LIMA1: variants seen among roughly 807,000 people sequenced by gnomAD.
The protein encoded by LIMA1 is LIM domain and actin binding 1.
LIMA1 carries 52 observed loss-of-function variants against 62.6 expected under a neutral mutation model. The observed-to-expected ratio is 0.83, with a 90% CI of 0.67 to 1.05. The LOEUF (loss-of-function observed/expected upper bound fraction) is 1.05, where lower values mean the gene tolerates loss of function less well. Ranked by LOEUF, LIMA1 falls within the 50% of genes least tolerant of loss-of-function variation. The pLI is 0.00. For missense variants in LIMA1, 780 were observed against 902.2 expected, an observed-to-expected ratio of 0.86 and a Z score of 1.74; for synonymous variants, 302 against 317.8, an observed-to-expected ratio of 0.95 and a Z score of 0.53.
chr12:50,201,541 A>AT (rs1166388285), intron 6 of LIMA1: 43 of 983,896 alleles, frequency 4.4e-5, no homozygotes, highest in East Asian at 3.4e-4. Context: ...GGATAATTGC[A>AT]TTTTTTTCCT....
chr12:50,235,337 G>T (rs1046864148), intron 2 of LIMA1, among the ~76,000 whole-genome samples: 1 of 144,816 alleles, frequency 6.9e-6, no homozygotes, highest in Admixed American at 7.1e-5. Context: ...GGAGTATAGT[G>T]GTGTAATCTC....
At chr12:50,255,502 G>A (rs746042243) in intron 1 of LIMA1, among the ~76,000 whole-genome samples, 4 of 146,120 alleles carry the variant, frequency 2.7e-5, no homozygotes, top group Non-Finnish European at 5.9e-5. Context: ...GCAGTGAGCC[G>A]TGATCACACC....
chr12:50,177,398 C>T lies in LIMA1; in HGVS notation c.1946G>A (p.Gly649Glu), dbSNP rs1420458016. 1 of 1,614,128 alleles carries T rather than the reference C, an allele frequency of 6.2e-7. No homozygotes were observed. Among genetic ancestry groups the T allele is most frequent in the Non-Finnish European group, 8.5e-7 (1 of 1,180,028 alleles). ...TTCTTTGTTTTGCCAGGTTGTTTTT[C>T]CCACATTCCCATTCTTCTTAGAAGC... ...AKASKKNGNV[G>E]KTTWQNKESK... The change falls in exon 11 of 11, where the codon GGA becomes GAA. Residue 649 changes from glycine (G) to glutamate (E), a missense_variant. Physicochemically the swap from Gly to Glu is moderately conservative, Grantham distance 98. Transcript: ENST00000341247.
chr12:50,176,990 G>A lies in LIMA1; in HGVS notation c.*74C>T. ...TTCATGCTGGGATACCTGCTTATGT[G>A]CATCACATTTTGACAAAGGGCAGTG... On this transcript the variant is annotated 3_prime_UTR_variant, in exon 11 of 11. Transcript: ENST00000341247. 2 of 1,159,178 alleles carry A rather than the reference G, an allele frequency of 1.7e-6. No homozygotes were observed. The highest frequency in any genetic ancestry group is 1.2e-6 in the Non-Finnish European group (1 of 843,906). 71.8% of individuals were successfully genotyped at this position (1,159,178 alleles called of 1,614,324 possible). A position where few individuals can be genotyped will look rare whatever the true frequency, so the allele number is the denominator to read the frequency against.
intron 4 of LIMA1, among the ~76,000 whole-genome samples, chr12:50,220,315 C>T (rs1336343591): frequency 6.6e-6 from 1 of 152,176 alleles, no homozygotes; most frequent in Non-Finnish European, 1.5e-5. Flanking sequence ...CAACCTCTGC[C>T]TCCCAAAATG....
intron 4 of LIMA1, among the ~76,000 whole-genome samples, chr12:50,212,136 A>G (rs1459826981): frequency 1.3e-5 from 2 of 152,246 alleles, no homozygotes; most frequent in African/African-American, 4.8e-5. Flanking sequence ...TGTATTTTTT[A>G]AAACAGAAAT....
chr12:50,196,732 G>A (rs1298465233), intron 7 of LIMA1, among the ~76,000 whole-genome samples: 2 of 152,130 alleles, frequency 1.3e-5, no homozygotes, highest in Non-Finnish European at 2.9e-5. Context: ...CTGACAAACT[G>A]AATAGATTTA....
intron 1 of LIMA1, 24 bp from the exon 2 acceptor site, chr12:50,248,798 C>A: frequency 8.7e-7 from 1 of 1,148,564 alleles, no homozygotes; most frequent in Non-Finnish European, 1.3e-6. Flanking sequence ...AAAGTCAGAA[C>A]ATTAGACACA....
intron 10 of LIMA1, among the ~76,000 whole-genome samples, chr12:50,178,411 G>A (rs942902797): frequency 2.0e-5 from 3 of 151,992 alleles, no homozygotes; most frequent in Non-Finnish European, 4.4e-5. Flanking sequence ...GCTGGGTGTG[G>A]TGGCACATGC....
At chr12:50,196,845 C>T (rs1249870401) in intron 7 of LIMA1, among the ~76,000 whole-genome samples, 5 of 152,178 alleles carry the variant, frequency 3.3e-5, no homozygotes, top group African/African-American at 1.2e-4. Flanking sequence ...ATAAAATAAA[C>T]CGGTACAATC....
In LIMA1 at chr12:50,190,804, T is replaced by TAA. The variant is rs1229932042; in HGVS notation, c.1140+1646_1140+1647dup. On this transcript the variant is annotated intron_variant, in intron 9 of 10. Transcript: ENST00000341247. ...TGACATTGTTGTAAACAACAGGTCC[T>TAA]AAAAAAAAAAAAAAGTGGGAACAAC... Among the ~76,000 whole-genome samples the TAA allele has an allele frequency of 4.2e-5, 5 of 119,690 alleles. No homozygotes were observed. In the South Asian group the frequency reaches 8.5e-4, roughly 20 times the overall value. The allele number at this position is 119,690 out of a possible 152,430, so 78.5% of individuals were successfully genotyped here.
intron 1 of LIMA1, among the ~76,000 whole-genome samples, chr12:50,274,142 A>G (rs1227448317): frequency 2.0e-5 from 3 of 152,184 alleles, no homozygotes; most frequent in African/African-American, 7.2e-5. Context: ...TCCAGTTAAA[A>G]AAAATACAAC....
chr12:50,203,730 T>C (rs1247915180), intron 6 of LIMA1, among the ~76,000 whole-genome samples: 1 of 152,156 alleles, frequency 6.6e-6, no homozygotes, highest in Non-Finnish European at 1.5e-5. Flanking sequence ...AAAATTTTCA[T>C]GCTTACTGAG....
rs539681207 is a variant in LIMA1 at position 50,204,365 on chromosome 12, G to A, written c.864+187C>T. 2.2e-4 allele frequency: 124 copies of A among 573,656 alleles called. 2 individuals are homozygous for A. The African/African-American group carries it at 2.2e-3, about 10-fold the overall frequency. 35.5% of individuals were successfully genotyped at this position (573,656 alleles called of 1,614,324 possible). On this transcript the variant is annotated intron_variant, in intron 6 of 10. Coordinates refer to ENST00000341247, the MANE Select transcript of LIMA1 (RefSeq NM_016357.5). ...TGGGGTGGGAACCAGGACTAAGAAA[G>A]CAAAGTCAGGATTAGACCATGGTAA...
intron 4 of LIMA1, among the ~76,000 whole-genome samples, chr12:50,220,757 G>A (rs1052894003): frequency 2.0e-5 from 3 of 152,092 alleles, no homozygotes; most frequent in Non-Finnish European, 4.4e-5. Context: ...AACCATAAAG[G>A]GGAAAGAAGG....
intron 1 of LIMA1, among the ~76,000 whole-genome samples, chr12:50,251,696 T>A (rs1245413210): frequency 1.3e-5 from 2 of 148,910 alleles, no homozygotes; most frequent in African/African-American, 5.0e-5. Flanking sequence ...CCGAGCACGA[T>A]AAAGAAAAAA....
chr12:50,200,498 G>A (rs1308804491), intron 7 of LIMA1, among the ~76,000 whole-genome samples: 1 of 152,236 alleles, frequency 6.6e-6, no homozygotes, highest in African/African-American at 2.4e-5. Flanking sequence ...ACTGTGCCCA[G>A]CCTCCAAATA....
rs554707999 is a variant in LIMA1, at chr12:50,193,534, GAT to G, written c.1031-975_1031-974del. 6.3e-3 allele frequency among the ~76,000 whole-genome samples: 599 copies of G among 95,392 alleles called. 3 individuals carry two copies. Among genetic ancestry groups the G allele is most frequent in the East Asian group, 0.016 (61 of 3,800 alleles). The allele number at this position is 95,392 out of a possible 152,430, so 62.6% of individuals were successfully genotyped here. On this transcript the variant is annotated intron_variant, in intron 8 of 10. Coordinates refer to ENST00000341247, the MANE Select transcript of LIMA1 (RefSeq NM_016357.5). The stretch of plus-strand genomic sequence containing the variant: ...ATATATGATATATATACACATATAT[GAT>G]ATATATATACATATATATCATATAT...
intron 9 of LIMA1, among the ~76,000 whole-genome samples, chr12:50,183,730 G>A (rs772026009): frequency 2.4e-4 from 33 of 137,996 alleles, no homozygotes; most frequent in Non-Finnish European, 4.4e-4. Flanking sequence ...AGAATCGCTT[G>A]AACCTGGGAG....
Sources: allele counts gnomAD v4.1 joint callset (sites outside exome capture counted in the v4.1 genomes callset), GRCh38; gene constraint gnomAD v4.1.1; transcripts MANE v1.5; gene names NCBI Gene and HGNC (gene_info 2026-07-23, HGNC 2026-07-21).